PREX2: variants seen among roughly 807,000 people sequenced by gnomAD.
The protein encoded by PREX2 is phosphatidylinositol 3,4,5-trisphosphate-dependent Rac exchanger 2 protein.
A neutral mutation model predicts 203.2 loss-of-function variants in PREX2; 107 were observed. That is an observed-to-expected ratio of 0.53 (90% confidence interval 0.45 to 0.62). The LOEUF is 0.62. PREX2 is among the 20% of genes least tolerant of loss of function. The pLI, the probability that PREX2 is intolerant of heterozygous loss-of-function variation, is 0.00. For synonymous variants in PREX2, 672 were observed against 663.6 expected, an observed-to-expected ratio of 1.01 and a Z score of -0.19; for missense variants, 1,777 against 1,955.9, an observed-to-expected ratio of 0.91 and a Z score of 1.72.
At chr8:67,988,305 AACCTT>A (rs1285808058) in intron 1 of PREX2, among the ~76,000 whole-genome samples, 1 of 152,166 alleles carries the variant, frequency 6.6e-6, no homozygotes, top group Non-Finnish European at 1.5e-5. Flanking sequence ...GCTCTGCTGA[AACCTT>A]TATGAACTGG....
intron 38 of PREX2, among the ~76,000 whole-genome samples, chr8:68,218,588 A>G (rs968430163): frequency 9.9e-5 from 15 of 152,242 alleles, no homozygotes; most frequent in African/African-American, 3.4e-4. Flanking sequence ...TTTTTAAGAT[A>G]TGCTTTGTAA....
At chr8:68,034,333 GA>G (rs1807971766) in intron 6 of PREX2, among the ~76,000 whole-genome samples, 1 of 152,234 alleles carries the variant, frequency 6.6e-6, no homozygotes, top group African/African-American at 2.4e-5. Flanking sequence ...CAGAGTCACT[GA>G]TTCATTTCAT....
intron 35 of PREX2, among the ~76,000 whole-genome samples, chr8:68,167,035 C>A (rs1017021370): frequency 1.3e-5 from 2 of 152,178 alleles, no homozygotes; most frequent in Non-Finnish European, 2.9e-5. Context: ...GAGAATATAA[C>A]TCTTGACTCC....
At chr8:68,050,562 C>T (rs114370327) in intron 8 of PREX2, among the ~76,000 whole-genome samples, 2,262 of 152,284 alleles carry the variant, frequency 0.015, 49 homozygotes, top group African/African-American at 0.051. Context: ...TTGGGGATTA[C>T]AATTTGACAT....
chr8:68,119,319 A>G (rs1810720245), intron 27 of PREX2, 113 bp from the exon 28 acceptor site: 7 of 698,912 alleles, frequency 1.0e-5, no homozygotes, highest in Non-Finnish European at 1.8e-5. Context: ...CTGTGCATGG[A>G]ATAACAGCTT....
chr8:68,015,272 C>T lies in PREX2; in HGVS notation c.142-2574C>T, dbSNP rs570147932. Among the ~76,000 whole-genome samples the T allele has an allele frequency of 1.2e-4, 18 of 152,278 alleles. No homozygotes were observed. In the East Asian group the frequency reaches 2.7e-3, roughly 23 times the overall value. On this transcript the variant is annotated intron_variant, in intron 1 of 39. Coordinates refer to ENST00000288368, the MANE Select transcript of PREX2 (RefSeq NM_024870.4). ...AAACCTCTCATAAAAAATGTCAAAT[C>T]GTTTTCACGATTTTGCGTTCTCAGC...
chr8:68,001,976 A>G (rs535173709), intron 1 of PREX2, among the ~76,000 whole-genome samples: 23 of 152,220 alleles, frequency 1.5e-4, no homozygotes, highest in African/African-American at 5.5e-4. Context: ...AGGGGCAGAA[A>G]AAATACTAGG....
At position 68,108,390 on chromosome 8, in the gene PREX2, A is replaced by G; in HGVS notation, c.2938+59A>G. ...AAAAGCAATTTAGGCAATCATAGCT[A>G]TTCATGCATCCCTGAAATTCAATAG... On this transcript the variant is annotated intron_variant, in intron 24 of 39. Coordinates refer to ENST00000288368, the MANE Select transcript of PREX2 (RefSeq NM_024870.4). 3 of 1,194,704 alleles carry G rather than the reference A, an allele frequency of 2.5e-6. No homozygotes were observed. In the South Asian group the frequency reaches 4.1e-5, roughly 16 times the overall value. The allele number at this position is 1,194,704 out of a possible 1,614,324, so 74.0% of individuals were successfully genotyped here. A position where few individuals can be genotyped will look rare whatever the true frequency, so the allele number is the denominator to read the frequency against.
chr8:68,221,398 C>T (rs1812950915), intron 38 of PREX2, among the ~76,000 whole-genome samples: 1 of 152,090 alleles, frequency 6.6e-6, no homozygotes, highest in South Asian at 2.1e-4. Flanking sequence ...ATATTCTTAG[C>T]CTCTTTGGTA....
intron 30 of PREX2, among the ~76,000 whole-genome samples, chr8:68,122,712 C>T (rs758486545): frequency 6.6e-6 from 1 of 152,032 alleles, no homozygotes; most frequent in African/African-American, 2.4e-5. Context: ...TTCTAATGCT[C>T]TCATTAGATT....
intron 37 of PREX2, among the ~76,000 whole-genome samples, chr8:68,215,097 C>T (rs1307928384): frequency 6.6e-6 from 1 of 152,128 alleles, no homozygotes; most frequent in African/African-American, 2.4e-5. Context: ...GAGCATGTTC[C>T]TGGGCACATT....
At chr8:67,956,140 A>G (rs1340574066) in intron 1 of PREX2, among the ~76,000 whole-genome samples, 1 of 152,204 alleles carries the variant, frequency 6.6e-6, no homozygotes, top group Admixed American at 6.5e-5. Flanking sequence ...GGGAAATGAA[A>G]TTTTGTGCTT....
At chr8:68,189,253 T>C (rs1314680575) in intron 35 of PREX2, among the ~76,000 whole-genome samples, 1 of 152,188 alleles carries the variant, frequency 6.6e-6, no homozygotes, top group Non-Finnish European at 1.5e-5. Flanking sequence ...ATAGCAATAA[T>C]ATTTAAAACG....
chr8:68,187,271 C>T (rs80317293), intron 35 of PREX2, among the ~76,000 whole-genome samples: 1,701 of 152,222 alleles, frequency 0.011, 36 homozygotes, highest in African/African-American at 0.039. Context: ...CTAAATTCTA[C>T]TTGCACACTG....
At chr8:68,024,923 T>G (rs1807671765) in intron 4 of PREX2, among the ~76,000 whole-genome samples, 1 of 152,076 alleles carries the variant, frequency 6.6e-6, no homozygotes, top group South Asian at 2.1e-4. Flanking sequence ...TAATATTTCC[T>G]GAGTAGAAAT....
At position 67,952,243 on chromosome 8, in the gene PREX2, G is replaced by C. The variant is rs374450080; in HGVS notation, c.-152G>C. On this transcript the variant is annotated 5_prime_UTR_variant, in exon 1 of 40. Coordinates refer to ENST00000288368, the MANE Select transcript of PREX2 (RefSeq NM_024870.4). ...CGATCCCCTCCTCTCCCTGCGCCCA[G>C]CCTCTCCCCAGCATGTAAAGTCTTC... 76 of 588,184 alleles carry C rather than the reference G, an allele frequency of 1.3e-4. 1 individual carries two copies. The East Asian group carries it at 2.7e-3, about 21-fold the overall frequency. The allele number at this position is 588,184 out of a possible 1,614,324, so 36.4% of individuals were successfully genotyped here.
At chr8:68,038,417 T>C in intron 7 of PREX2, 125 bp downstream of exon 7, 2 of 956,762 alleles carry the variant, frequency 2.1e-6, no homozygotes, top group Non-Finnish European at 3.1e-6. Flanking sequence ...CCAGAGCCCA[T>C]CATCCATCAG....
chr8:68,030,359 G>T, intron 5 of PREX2, 138 bp from the exon 6 acceptor site: 1 of 684,878 alleles, frequency 1.5e-6, no homozygotes, highest in Non-Finnish European at 2.3e-6. Context: ...TTTTATTTTT[G>T]ATCTTAGAGG....
At chr8:68,193,405 T>G (rs1439530551) in intron 37 of PREX2, among the ~76,000 whole-genome samples, 1 of 152,198 alleles carries the variant, frequency 6.6e-6, no homozygotes, top group Non-Finnish European at 1.5e-5. Context: ...GGTGGTTTGC[T>G]GCACCCATCA....
Sources: gnomAD v4.1 joint callset for allele counts (sites outside exome capture counted in the v4.1 genomes callset) on GRCh38, gnomAD v4.1.1 for gene constraint, MANE v1.5 for transcripts, NCBI Gene and HGNC (gene_info 2026-07-23, HGNC 2026-07-21) for gene names.